Variants in GRID2 observed in about 807,000 individuals in gnomAD.
GRID2 encodes glutamate receptor ionotropic, delta-2.
A neutral mutation model predicts 114.8 loss-of-function variants in GRID2; 33 were observed. The observed-to-expected ratio is 0.29, with a 90% CI of 0.22 to 0.38. The LOEUF (loss-of-function observed/expected upper bound fraction) is 0.38, where lower values mean the gene tolerates loss of function less well. GRID2 is among the 10% of genes least tolerant of loss of function. The pLI is 1.00. For missense variants in GRID2, 1,184 were observed against 1,257.7 expected (o/e 0.94, Z 0.89); for synonymous variants, 505 against 449.9 (o/e 1.12, Z -1.55).
At chr4:92,482,958 TAGG>T (rs1722688969) in intron 1 of GRID2, among the ~76,000 whole-genome samples, 1 of 152,150 alleles carries the variant, frequency 6.6e-6, no homozygotes, top group African/African-American at 2.4e-5. Flanking sequence ...TGTTGCAACA[TAGG>T]ATTGTATCCA....
At chr4:92,724,326 A>G (rs1012627640) in intron 2 of GRID2, among the ~76,000 whole-genome samples, 2 of 152,010 alleles carry the variant, frequency 1.3e-5, no homozygotes. Flanking sequence ...CTCCCCACTC[A>G]CCACCATAGT....
At chr4:93,366,845 TAA>T (rs1762386217) in intron 8 of GRID2, among the ~76,000 whole-genome samples, 1 of 152,074 alleles carries the variant, frequency 6.6e-6, no homozygotes, top group South Asian at 2.1e-4. Context: ...AATTCCCCGA[TAA>T]AATATATTAT....
intron 8 of GRID2, among the ~76,000 whole-genome samples, chr4:93,349,127 C>T (rs982494035): frequency 2.6e-5 from 4 of 152,134 alleles, no homozygotes; most frequent in Admixed American, 6.6e-5. Flanking sequence ...TTCATATATA[C>T]AGGCACATTT....
At chr4:92,768,782 A>G (rs753253730) in intron 2 of GRID2, among the ~76,000 whole-genome samples, 2 of 152,158 alleles carry the variant, frequency 1.3e-5, no homozygotes, top group Non-Finnish European at 2.9e-5. Flanking sequence ...AGATTCATTC[A>G]CTATCACAAG....
At chr4:92,379,255 C>A (rs1729502477) in intron 1 of GRID2, among the ~76,000 whole-genome samples, 1 of 151,582 alleles carries the variant, frequency 6.6e-6, no homozygotes, top group African/African-American at 2.4e-5. Flanking sequence ...GAGTGTTCTC[C>A]ATTTATCTTG....
chr4:93,200,574 C>G (rs1373020008), intron 4 of GRID2, among the ~76,000 whole-genome samples: 1 of 143,928 alleles, frequency 6.9e-6, no homozygotes, highest in South Asian at 2.1e-4. Flanking sequence ...TCAAAACAAA[C>G]AAACAAACAA....
chr4:92,527,313 C>A (rs1344205822), intron 1 of GRID2, among the ~76,000 whole-genome samples: 4 of 152,046 alleles, frequency 2.6e-5, no homozygotes, highest in African/African-American at 9.7e-5. Flanking sequence ...AAATTGATTT[C>A]TTCAGTTTTG....
At chr4:93,079,649 C>T (rs1448726971) in intron 2 of GRID2, among the ~76,000 whole-genome samples, 1 of 151,956 alleles carries the variant, frequency 6.6e-6, no homozygotes, top group Non-Finnish European at 1.5e-5. Flanking sequence ...AATTTTCTTA[C>T]TTGAAAGTTG....
chr4:92,976,355 T>G (rs535802788), intron 2 of GRID2, among the ~76,000 whole-genome samples: 5 of 152,236 alleles, frequency 3.3e-5, no homozygotes, highest in African/African-American at 1.2e-4. Flanking sequence ...ATCTCATGCA[T>G]GTCTGTTGTA....
chr4:93,369,602 C>T (rs1467709739), intron 8 of GRID2, among the ~76,000 whole-genome samples: 1 of 152,088 alleles, frequency 6.6e-6, no homozygotes, highest in Non-Finnish European at 1.5e-5. Flanking sequence ...GATCTTTCCA[C>T]CTCAGCCTCC....
At chr4:92,365,145 T>C (rs765104052) in intron 1 of GRID2, among the ~76,000 whole-genome samples, 8 of 152,162 alleles carry the variant, frequency 5.3e-5, no homozygotes, top group Non-Finnish European at 1.0e-4. Context: ...TGGAATTCCA[T>C]ACCAAATCAG....
At chr4:93,412,245 A>AG (rs1560593365) in intron 9 of GRID2, among the ~76,000 whole-genome samples, 2 of 144,756 alleles carry the variant, frequency 1.4e-5, no homozygotes, top group African/African-American at 5.0e-5. Context: ...CCCCCCAAAA[A>AG]AAAATACCAG....
chr4:93,160,378 TAAAA>T (rs896837413), intron 4 of GRID2, among the ~76,000 whole-genome samples: 2 of 151,664 alleles, frequency 1.3e-5, no homozygotes, highest in Non-Finnish European at 2.9e-5. Context: ...TCTCGAGTCT[TAAAA>T]AAAAGTTTGT....
At chr4:92,820,773 A>G (rs887167262) in intron 2 of GRID2, among the ~76,000 whole-genome samples, 15 of 152,116 alleles carry the variant, frequency 9.9e-5, no homozygotes, top group Non-Finnish European at 2.2e-4. Context: ...TCAACATTCT[A>G]TTAATTTCAG....
chr4:92,452,402 C>T (rs1720973736), intron 1 of GRID2, among the ~76,000 whole-genome samples: 1 of 151,478 alleles, frequency 6.6e-6, no homozygotes. Flanking sequence ...ACTGTAACCT[C>T]TGCCTCCTAA....
chr4:93,069,573 GAAGAA>G (rs992152723), intron 2 of GRID2, among the ~76,000 whole-genome samples: 32 of 152,012 alleles, frequency 2.1e-4, no homozygotes, highest in Non-Finnish European at 4.3e-4. Flanking sequence ...AAGCCGCTTT[GAAGAA>G]ACAGAATTTT....
chr4:93,270,592 A>G (rs1751344136), intron 8 of GRID2, among the ~76,000 whole-genome samples: 2 of 151,984 alleles, frequency 1.3e-5, no homozygotes, highest in African/African-American at 4.8e-5. Flanking sequence ...AGAGGATAAC[A>G]TAATATGTAT....
intron 2 of GRID2, among the ~76,000 whole-genome samples, chr4:92,688,159 C>T (rs1397299335): frequency 6.7e-6 from 1 of 148,400 alleles, no homozygotes; most frequent in Admixed American, 6.8e-5. Flanking sequence ...AAGCGCTTCT[C>T]CTGCCTCAGC....
intron 1 of GRID2, among the ~76,000 whole-genome samples, chr4:92,443,794 C>T (rs971743118): frequency 1.1e-4 from 17 of 152,142 alleles, no homozygotes; most frequent in African/African-American, 9.7e-5. Context: ...GGCGTCCCTG[C>T]GTGGTATGAC....
Sources: allele counts gnomAD v4.1 joint callset (sites outside exome capture counted in the v4.1 genomes callset), GRCh38; gene constraint gnomAD v4.1.1; transcripts MANE v1.5; gene names NCBI Gene and HGNC (gene_info 2026-07-23, HGNC 2026-07-21).